The following XKR6 variants were observed in gnomAD, a reference collection of about 807,000 sequenced individuals.
XKR6 encodes the protein XK-related protein 6.
In XKR6, 22 loss-of-function variants were observed where a neutral mutation model predicts 56.7. The ratio of observed to expected loss-of-function variants is 0.39; its 90% CI spans 0.28 to 0.55. The LOEUF is 0.55. Among genes scored for constraint, XKR6 ranks in the 20% least tolerant of loss-of-function variants. The pLI, the probability that XKR6 is intolerant of heterozygous loss-of-function variation, is 0.66. For missense variants in XKR6, 852 were observed against 889.0 expected (o/e 0.96, Z 0.53); for synonymous variants, 524 against 387.8 (o/e 1.35, Z -4.13).
chr8:11,144,991 G>A (rs1218646392), intron 1 of XKR6, among the ~76,000 whole-genome samples: 1 of 147,580 alleles, frequency 6.8e-6, no homozygotes. Context: ...GAGGGATGGA[G>A]AAAGGGAGAA....
chr8:11,158,299 G>A (rs893815041), intron 1 of XKR6, among the ~76,000 whole-genome samples: 3 of 152,122 alleles, frequency 2.0e-5, no homozygotes, highest in African/African-American at 7.2e-5. Context: ...CTTAGAATAG[G>A]GCCTGAAGGA....
intron 1 of XKR6, among the ~76,000 whole-genome samples, chr8:11,057,213 G>GC (rs554428136): frequency 6.6e-6 from 1 of 152,042 alleles, no homozygotes; most frequent in Admixed American, 6.5e-5. Context: ...TCTATAAGGA[G>GC]CCCCCCTACT....
chr8:10,897,347 T>C lies in XKR6; in HGVS notation c.*605A>G, dbSNP rs1229342562. ...GAAGAATAATTGCTTTGTGTTGTAT[T>C]TGTTGGTTGGTTTTTGTTTCACTTT... On this transcript the variant is annotated 3_prime_UTR_variant, in exon 3 of 3. Coordinates refer to ENST00000416569, the MANE Select transcript of XKR6 (RefSeq NM_173683.4). 3.3e-5 allele frequency: 5 copies of C among 152,624 alleles called. No homozygotes were observed. Among genetic ancestry groups the C allele is most frequent in the Non-Finnish European group, 7.3e-5 (5 of 68,048 alleles). The allele number at this position is 152,624 out of a possible 1,614,324, so 9.5% of individuals were successfully genotyped here. A position where few individuals can be genotyped will look rare whatever the true frequency, so the allele number is the denominator to read the frequency against.
chr8:11,102,733 G>C (rs1351969737), intron 1 of XKR6, among the ~76,000 whole-genome samples: 1 of 152,182 alleles, frequency 6.6e-6, no homozygotes, highest in Non-Finnish European at 1.5e-5. Context: ...GAGGGACAGA[G>C]CTGACATGGG....
chr8:11,080,869 AGAG>A (rs1447412643), intron 1 of XKR6, among the ~76,000 whole-genome samples: 2 of 152,240 alleles, frequency 1.3e-5, no homozygotes, highest in Non-Finnish European at 2.9e-5. Context: ...ACCTCTTTGG[AGAG>A]GAGAATAGAG....
chr8:11,092,776 T>A (rs1049725866), intron 1 of XKR6, among the ~76,000 whole-genome samples: 6 of 152,214 alleles, frequency 3.9e-5, no homozygotes, highest in African/African-American at 1.4e-4. Flanking sequence ...CTCTTTCAAT[T>A]TTTCTGGTCT....
At chr8:10,909,113 C>T (rs1465818647) in intron 2 of XKR6, among the ~76,000 whole-genome samples, 4 of 151,658 alleles carry the variant, frequency 2.6e-5, no homozygotes, top group Admixed American at 1.3e-4. Flanking sequence ...TTGCAGTGAG[C>T]TGAGATTGCG....
chr8:11,092,926 G>A (rs1182744042), intron 1 of XKR6, among the ~76,000 whole-genome samples: 1 of 152,202 alleles, frequency 6.6e-6, no homozygotes, highest in African/African-American at 2.4e-5. Flanking sequence ...AACTGGCCCA[G>A]GACCCCCGCT....
chr8:11,174,833 G>A (rs993365107), intron 1 of XKR6, among the ~76,000 whole-genome samples: 1 of 152,168 alleles, frequency 6.6e-6, no homozygotes, highest in South Asian at 2.1e-4. Flanking sequence ...GAGAACGGAT[G>A]ATCAACGGAC....
At chr8:10,944,888 T>G (rs1242048080) in intron 1 of XKR6, among the ~76,000 whole-genome samples, 1 of 152,138 alleles carries the variant, frequency 6.6e-6, no homozygotes, top group East Asian at 1.9e-4. Flanking sequence ...GGGCTCAGGG[T>G]GCGTGTCTGA....
chr8:10,914,548 C>T (rs1387389225), intron 2 of XKR6, among the ~76,000 whole-genome samples: 1 of 152,184 alleles, frequency 6.6e-6, no homozygotes, highest in Non-Finnish European at 1.5e-5. Flanking sequence ...TACTGTGACT[C>T]CCCCAATGCT....
At chr8:11,100,175 C>T (rs1798418224) in intron 1 of XKR6, among the ~76,000 whole-genome samples, 1 of 152,286 alleles carries the variant, frequency 6.6e-6, no homozygotes, top group Admixed American at 6.5e-5. Context: ...ACTTCAGCCT[C>T]CCAAGTAGCT....
chr8:10,951,744 G>A (rs1280573353), intron 1 of XKR6, among the ~76,000 whole-genome samples: 2 of 152,186 alleles, frequency 1.3e-5, no homozygotes, highest in Non-Finnish European at 1.5e-5. Flanking sequence ...AAGCAGGGCA[G>A]GCAGAAGCCA....
chr8:10,919,565 G>T (rs557450398), intron 2 of XKR6, among the ~76,000 whole-genome samples: 15 of 152,316 alleles, frequency 9.8e-5, no homozygotes, highest in South Asian at 6.2e-4. Flanking sequence ...GCACTGTGGA[G>T]GTGCATGTGG....
intron 2 of XKR6, among the ~76,000 whole-genome samples, chr8:10,904,948 C>T (rs1432398249): frequency 1.3e-5 from 2 of 152,154 alleles, no homozygotes; most frequent in Non-Finnish European, 2.9e-5. Flanking sequence ...AGTCATGTGT[C>T]GGAAACACAC....
At chr8:10,933,160 T>G (rs887934592) in intron 1 of XKR6, among the ~76,000 whole-genome samples, 4 of 140,500 alleles carry the variant, frequency 2.8e-5, no homozygotes, top group African/African-American at 8.3e-5. Context: ...ATGATGAGCA[T>G]TTTTTCATGT....
chr8:11,128,850 T>C, intron 1 of XKR6: 1 of 456,846 alleles, frequency 2.2e-6, no homozygotes, highest in Non-Finnish European at 4.4e-6. Context: ...ACCTCCACTG[T>C]CACCATCTTC....
intron 1 of XKR6, among the ~76,000 whole-genome samples, chr8:11,047,370 C>T (rs1298368138): frequency 6.6e-6 from 1 of 152,180 alleles, no homozygotes; most frequent in Non-Finnish European, 1.5e-5. Context: ...TTTTATTTTT[C>T]AATTTTTCAT....
At chr8:11,059,616 G>C (rs1799778152) in intron 1 of XKR6, among the ~76,000 whole-genome samples, 1 of 151,386 alleles carries the variant, frequency 6.6e-6, no homozygotes, top group East Asian at 2.0e-4. Context: ...CAGGGCGCTG[G>C]GGGCGCGGGG....
Sources: gnomAD v4.1 joint callset for allele counts (sites outside exome capture counted in the v4.1 genomes callset) on GRCh38, gnomAD v4.1.1 for gene constraint, MANE v1.5 for transcripts, NCBI Gene and HGNC (gene_info 2026-07-23, HGNC 2026-07-21) for gene names.